Variants in CCNA2 observed in about 807,000 individuals in gnomAD.
CCNA2 encodes cyclin-A2.
CCNA2 carries 3 observed loss-of-function variants against 49.4 expected under a neutral mutation model. The observed-to-expected ratio is 0.06, with a 90% CI of 0.03 to 0.16. The LOEUF is 0.16. Among genes scored for constraint, CCNA2 ranks in the 10% least tolerant of loss-of-function variants. The pLI is 1.00. For synonymous variants in CCNA2, 206 were observed against 197.2 expected, an observed-to-expected ratio of 1.04 and a Z score of -0.37; for missense variants, 372 against 519.7, an observed-to-expected ratio of 0.72 and a Z score of 2.76.
At chr4:121,818,293 A>G (rs1724599253) in intron 6 of CCNA2, 116 bp from the exon 7 acceptor site, 1 of 911,362 alleles carries the variant, frequency 1.1e-6, no homozygotes, top group Non-Finnish European at 1.7e-6. Flanking sequence ...AACTTTTCCA[A>G]CTACTAGTTT....
rs1221910910 is a variant in CCNA2, at chr4:121,817,532, A to ACTT, written c.*103_*105dup. The ACTT allele has an allele frequency of 7.2e-7, 1 of 1,392,258 alleles. No individual in the cohort carries two copies. Among genetic ancestry groups the ACTT allele is most frequent in the East Asian group, 2.3e-5 (1 of 43,558 alleles). 86.2% of individuals were successfully genotyped at this position (1,392,258 alleles called of 1,614,324 possible). On this transcript the variant is annotated 3_prime_UTR_variant, in exon 8 of 8. Coordinates refer to ENST00000274026, the MANE Select transcript of CCNA2 (RefSeq NM_001237.5). ...ATACCATAATTTGTACTTGGCCACA[A>ACTT]CTTCTGTATTCAGAAATGATTGTAA...
chr4:121,817,177 T>C lies in CCNA2; in HGVS notation c.*461A>G, dbSNP rs1016012653. On this transcript the variant is annotated 3_prime_UTR_variant, in exon 8 of 8. Transcript: ENST00000274026. Reference sequence around the variant, plus strand: ...TCTATCTCTGAATACTGTATTCAGATATGCTTAGATTAGATTATGCCCAAG... The same window carrying C: ...TCTATCTCTGAATACTGTATTCAGACATGCTTAGATTAGATTATGCCCAAG... 1.0e-4 allele frequency: 27 copies of C among 261,440 alleles called. No individual in the cohort carries two copies. The highest frequency in any genetic ancestry group is 1.5e-4 in the Non-Finnish European group (21 of 138,376). The allele number at this position is 261,440 out of a possible 1,614,324, so 16.2% of individuals were successfully genotyped here.
Position 121,820,780 on chromosome 4 carries a change from A to C in CCNA2, c.571-15T>G. 6.5e-7 allele frequency: 1 copy of C among 1,538,144 alleles called. No individual in the cohort carries two copies. The highest frequency in any genetic ancestry group is 8.9e-7 in the Non-Finnish European group (1 of 1,119,112). The stretch of plus-strand genomic sequence containing the variant: ...TTACATTTAACCTATTGAGAAAATT[A>C]TTTATAGTGTTAAAATTATTCTAGT... On this transcript the variant is annotated splice_polypyrimidine_tract_variant and intron_variant, in intron 3 of 7. Transcript: ENST00000274026. This position sits in a 1 kb window ranked among gnomAD's most constrained non-coding sequence, Gnocchi z 4.1.
At position 121,819,636 on chromosome 4, in the gene CCNA2, C is replaced by T. The variant is rs1724638351; in HGVS notation, c.795-57G>A. 43 of 1,192,350 alleles carry T rather than the reference C, an allele frequency of 3.6e-5. No individual in the cohort carries two copies. The South Asian group carries it at 5.4e-4, about 15-fold the overall frequency. The allele number at this position is 1,192,350 out of a possible 1,614,324, so 73.9% of individuals were successfully genotyped here. The stretch of plus-strand genomic sequence containing the variant: ...CTAAAAGAGAAGCAAGCTTCCTTAT[C>T]CCAGTTCTGAAATCCCATTAGCAGA... On this transcript the variant is annotated intron_variant, in intron 4 of 7. Transcript: ENST00000274026.
In CCNA2 at chr4:121,821,008, C is replaced by T. The variant is rs916333563; in HGVS notation, c.541G>A (p.Asp181Asn). 2.5e-6 allele frequency: 4 copies of T among 1,612,786 alleles called. No individual in the cohort carries two copies. The South Asian group carries it at 3.3e-5, about 13-fold the overall frequency. The change falls in exon 3 of 8, where the codon GAT becomes AAT. Residue 181 changes from aspartate (D) to asparagine (N), a missense_variant. Transcript: ENST00000274026. Reference sequence around the variant, plus strand: ...ATTTCCCTAAGGTATGTGTGAATATCCTCATGGTAGTCTGGTACTTCATTA... The same window carrying T: ...ATTTCCCTAAGGTATGTGTGAATATTCTCATGGTAGTCTGGTACTTCATTA... ...SVNEVPDYHE[D>N]IHTYLREMEV...
chr4:121,819,981 C>T (rs3217765), intron 4 of CCNA2, among the ~76,000 whole-genome samples: 4,538 of 149,204 alleles, frequency 0.03, 106 homozygotes, highest in Middle Eastern at 0.052. Context: ...TGCTCTGTCG[C>T]CCAGGCCAGA....
Position 121,818,974 on chromosome 4 carries a change from CCTT to C in CCNA2, c.1003-64_1003-62del, listed in dbSNP as rs1413201469. On this transcript the variant is annotated intron_variant, in intron 5 of 7. Transcript: ENST00000274026. ...TTAGAATTCAAATGTCAAACCTCTGCCTTCTAACCTAATTTTTTCCTGCCTTTG... is the reference window on the plus strand; with the variant it reads ...TTAGAATTCAAATGTCAAACCTCTGCCTAACCTAATTTTTTCCTGCCTTTG... 14 of 1,075,630 alleles carry C rather than the reference CCTT, an allele frequency of 1.3e-5. No homozygotes were observed. In the African/African-American group the frequency reaches 2.2e-4, roughly 17 times the overall value. 66.6% of individuals were successfully genotyped at this position (1,075,630 alleles called of 1,614,324 possible).
intron 6 of CCNA2, 100 bp from the exon 7 acceptor site, chr4:121,818,277 ATCT>A (rs1193291382): frequency 9.4e-6 from 10 of 1,059,314 alleles, no homozygotes; most frequent in Admixed American, 5.0e-5. Flanking sequence ...TCCAGTACTA[ATCT>A]TTAACTTTTC....
chr4:121,817,992 C>A, intron 7 of CCNA2, 52 bp downstream of exon 7: 10 of 1,530,234 alleles, frequency 6.5e-6, no homozygotes, highest in Non-Finnish European at 9.0e-6. Context: ...TGTCAAAGAT[C>A]TCTGAACCAT....
At position 121,821,109 on chromosome 4, in the gene CCNA2, A is replaced by G. The variant is rs1375298872; in HGVS notation, c.458-18T>C. The G allele has an allele frequency of 6.3e-7, 1 of 1,598,930 alleles. No individual in the cohort carries two copies. The highest frequency in any genetic ancestry group is 8.5e-7 in the Non-Finnish European group (1 of 1,173,118). On this transcript the variant is annotated intron_variant, in intron 2 of 7. Transcript: ENST00000274026. The stretch of plus-strand genomic sequence containing the variant: ...TGGTGACTCTGGGACAATTCAAAAG[A>G]TATGATTAAATTAATTGTTTGCCTA...
Position 121,820,458 on chromosome 4 carries a change from G to C in CCNA2, c.794+84C>G. On this transcript the variant is annotated intron_variant, in intron 4 of 7. Coordinates refer to ENST00000274026, the MANE Select transcript of CCNA2 (RefSeq NM_001237.5). The surrounding 1 kb of genome is among the most constrained non-coding windows in gnomAD (Gnocchi z 4.1). ...TAGTCACTGACTCTGCCTGGTGTATGTTAAAAGGTCACCATTAAAAAAATC... is the reference window on the plus strand; with the variant it reads ...TAGTCACTGACTCTGCCTGGTGTATCTTAAAAGGTCACCATTAAAAAAATC... 2.1e-6 allele frequency: 2 copies of C among 963,652 alleles called. No individual in the cohort carries two copies. Among genetic ancestry groups the C allele is most frequent in the Non-Finnish European group, 1.6e-6 (1 of 626,326 alleles). The allele number at this position is 963,652 out of a possible 1,614,324, so 59.7% of individuals were successfully genotyped here.
In CCNA2 at chr4:121,823,670, C is replaced by T; in HGVS notation, c.-42G>A. 1 of 1,527,272 alleles carries T rather than the reference C, an allele frequency of 6.5e-7. No individual in the cohort carries two copies. Among genetic ancestry groups the T allele is most frequent in the East Asian group, 2.4e-5 (1 of 41,700 alleles). The allele number at this position is 1,527,272 out of a possible 1,614,324, so 94.6% of individuals were successfully genotyped here. On this transcript the variant is annotated 5_prime_UTR_variant, in exon 1 of 8. Transcript: ENST00000274026. ...GGACGGCGGGATCAGCCTGCGGCGC[C>T]AAGCAGCGTGCACTCTGCCCAGCCG...
intron 6 of CCNA2, 123 bp downstream of exon 6, chr4:121,818,677 T>C (rs916391352): frequency 1.2e-5 from 8 of 654,726 alleles, no homozygotes; most frequent in Non-Finnish European, 1.9e-5. Context: ...GTCAACTATA[T>C]ATATTTGAAG....
Position 121,817,274 on chromosome 4 carries a change from T to G in CCNA2, c.*364A>C, listed in dbSNP as rs1434122991. 1 of 232,060 alleles carries G rather than the reference T, an allele frequency of 4.3e-6. No homozygotes were observed. Among genetic ancestry groups the G allele is most frequent in the Non-Finnish European group, 8.4e-6 (1 of 119,550 alleles). 14.4% of individuals were successfully genotyped at this position (232,060 alleles called of 1,614,324 possible). A position where few individuals can be genotyped will look rare whatever the true frequency, so the allele number is the denominator to read the frequency against. On this transcript the variant is annotated 3_prime_UTR_variant, in exon 8 of 8. Coordinates refer to ENST00000274026, the MANE Select transcript of CCNA2 (RefSeq NM_001237.5). ...AGGGTCTGTTTTCCTAAACCTACTT[T>G]AATTTTAGAGGAAGGCTTTTCACTT...
At position 121,823,872 on chromosome 4, in the gene CCNA2, G is replaced by A; in HGVS notation, c.-244C>T. 1 of 613,144 alleles carries A rather than the reference G, an allele frequency of 1.6e-6. No homozygotes were observed. The highest frequency in any genetic ancestry group is 2.6e-6 in the Non-Finnish European group (1 of 379,154). The allele number at this position is 613,144 out of a possible 1,614,324, so 38.0% of individuals were successfully genotyped here. A position where few individuals can be genotyped will look rare whatever the true frequency, so the allele number is the denominator to read the frequency against. The stretch of plus-strand genomic sequence containing the variant: ...AGCCAAAGACGCCCAGAGATGCAGC[G>A]AGCAGCCCGCCGGAGCGGCGGCTGT... On this transcript the variant is annotated 5_prime_UTR_variant, in exon 1 of 8. Transcript: ENST00000274026.
chr4:121,819,018 C>A, intron 5 of CCNA2, 105 bp from the exon 6 acceptor site: 4 of 687,260 alleles, frequency 5.8e-6, no homozygotes, highest in Admixed American at 4.8e-5. Context: ...GGCTCTGTAG[C>A]AACTCTAGAA....
At chr4:121,822,373 A>T in intron 2 of CCNA2, 30 bp downstream of exon 2, 1 of 1,597,446 alleles carries the variant, frequency 6.3e-7, no homozygotes, top group Non-Finnish European at 8.6e-7. Flanking sequence ...TAATTACCGT[A>T]ATTCCACACA....
At chr4:121,822,124 G>A in intron 2 of CCNA2, among the ~76,000 whole-genome samples, 1 of 152,176 alleles carries the variant, frequency 6.6e-6, no homozygotes, top group East Asian at 1.9e-4. Context: ...ACATTTATGG[G>A]ATCAGATTAA....
Position 121,817,556 on chromosome 4 carries a change from A to AAAATT in CCNA2, c.*77_*81dup. On this transcript the variant is annotated 3_prime_UTR_variant, in exon 8 of 8. Transcript: ENST00000274026. ...AACTTCTGTATTCAGAAATGATTGT[A>AAAATT]AAATTAAAACCTAAGTTAAAAACTG... The AAAATT allele has an allele frequency of 1.3e-6, 2 of 1,543,938 alleles. No homozygotes were observed. Among genetic ancestry groups the AAAATT allele is most frequent in the Non-Finnish European group, 1.8e-6 (2 of 1,132,236 alleles).
Sources: allele counts gnomAD v4.1 joint callset (sites outside exome capture counted in the v4.1 genomes callset), GRCh38; gene constraint gnomAD v4.1.1; non-coding constraint Gnocchi (gnomAD v3.1); transcripts MANE v1.5; gene names NCBI Gene and HGNC (gene_info 2026-07-23, HGNC 2026-07-21).